The following MMP16 variants were observed in gnomAD, a reference collection of about 807,000 sequenced individuals.
MMP16 encodes matrix metallopeptidase 16, also known as matrix metalloproteinase-16.
Under a neutral mutation model 67.8 loss-of-function variants are expected in MMP16, and 12 were observed. The ratio of observed to expected loss-of-function variants is 0.18; its 90% CI spans 0.11 to 0.29. The LOEUF is 0.29. Among genes scored for constraint, MMP16 ranks in the 10% least tolerant of loss-of-function variants. The pLI is 1.00. For missense variants in MMP16, 475 were observed against 765.7 expected, an observed-to-expected ratio of 0.62 and a Z score of 4.48; for synonymous variants, 249 against 255.9, an observed-to-expected ratio of 0.97 and a Z score of 0.26.
intron 1 of MMP16, among the ~76,000 whole-genome samples, chr8:88,214,046 A>G (rs963893109): frequency 5.9e-5 from 9 of 152,198 alleles, no homozygotes; most frequent in African/African-American, 2.2e-4. Flanking sequence ...AAAGCTGGTA[A>G]TAACAACAAT....
intron 1 of MMP16, among the ~76,000 whole-genome samples, chr8:88,200,573 A>C (rs567289442): frequency 6.6e-6 from 1 of 152,208 alleles, no homozygotes; most frequent in Non-Finnish European, 1.5e-5. Flanking sequence ...TTCTCTGCAG[A>C]GTAAGATGAT....
At chr8:88,047,559 A>C (rs1247724495) in intron 8 of MMP16, among the ~76,000 whole-genome samples, 4 of 152,176 alleles carry the variant, frequency 2.6e-5, no homozygotes, top group African/African-American at 9.7e-5. Context: ...CTTTGGGAGA[A>C]GAACATTCCA....
At chr8:88,084,625 C>T (rs1360039537) in intron 6 of MMP16, among the ~76,000 whole-genome samples, 1 of 151,956 alleles carries the variant, frequency 6.6e-6, no homozygotes, top group Non-Finnish European at 1.5e-5. Context: ...CACATGTGTA[C>T]TGCATTTGCA....
At chr8:88,302,509 C>T (rs1811119328) in intron 1 of MMP16, among the ~76,000 whole-genome samples, 1 of 152,260 alleles carries the variant, frequency 6.6e-6, no homozygotes, top group South Asian at 2.1e-4. Flanking sequence ...GCACTCAGGA[C>T]AAGTGTGTCC....
chr8:88,215,458 A>C (rs1008540762), intron 1 of MMP16, among the ~76,000 whole-genome samples: 3 of 152,158 alleles, frequency 2.0e-5, no homozygotes, highest in Non-Finnish European at 4.4e-5. Flanking sequence ...TGTACTACCC[A>C]GGATCCCTTG....
chr8:88,144,524 G>T (rs1422649808), intron 4 of MMP16, among the ~76,000 whole-genome samples: 1 of 151,558 alleles, frequency 6.6e-6, no homozygotes, highest in Non-Finnish European at 1.5e-5. Flanking sequence ...AAATTAAAAT[G>T]AAAAAATTAG....
intron 4 of MMP16, among the ~76,000 whole-genome samples, chr8:88,164,643 C>T (rs1808682534): frequency 6.6e-6 from 1 of 152,052 alleles, no homozygotes; most frequent in Non-Finnish European, 1.5e-5. Flanking sequence ...TCCTTTCCTT[C>T]AGGCTCATTC....
At chr8:88,128,648 C>A (rs1807975443) in intron 4 of MMP16, among the ~76,000 whole-genome samples, 1 of 151,902 alleles carries the variant, frequency 6.6e-6, no homozygotes, top group Admixed American at 6.6e-5. Flanking sequence ...ATAGAGTCCT[C>A]ATCTTCCTGT....
intron 2 of MMP16, among the ~76,000 whole-genome samples, chr8:88,188,437 T>A (rs562753010): frequency 7.2e-5 from 11 of 152,312 alleles, no homozygotes; most frequent in Admixed American, 1.3e-4. Context: ...AACATTTAAG[T>A]AAGCAATCTG....
intron 6 of MMP16, among the ~76,000 whole-genome samples, chr8:88,097,803 T>C (rs1259994204): frequency 1.3e-5 from 2 of 151,822 alleles, no homozygotes; most frequent in African/African-American, 4.8e-5. Flanking sequence ...GAGGCCTTAA[T>C]AGTTATACTT....
chr8:88,052,101 T>C (rs1808278291), intron 8 of MMP16, among the ~76,000 whole-genome samples: 1 of 152,212 alleles, frequency 6.6e-6, no homozygotes, highest in Admixed American at 6.5e-5. Context: ...ACCATTTATA[T>C]GTCAATAACT....
intron 3 of MMP16, among the ~76,000 whole-genome samples, chr8:88,174,399 T>C (rs1808851548): frequency 6.6e-6 from 1 of 152,168 alleles, no homozygotes; most frequent in Admixed American, 6.5e-5. Context: ...GTTATATTAC[T>C]CAATAAGCTT....
rs2118167518 is a variant in MMP16 at position 88,035,764 on chromosome 8, A to G, written c.*5697T>C. The G allele has an allele frequency of 6.6e-6, 1 of 152,088 alleles. No homozygotes were observed. The highest frequency in any genetic ancestry group is 2.4e-5 in the African/African-American group (1 of 41,536). 9.4% of individuals were successfully genotyped at this position (152,088 alleles called of 1,614,324 possible). A position where few individuals can be genotyped will look rare whatever the true frequency, so the allele number is the denominator to read the frequency against. On this transcript the variant is annotated 3_prime_UTR_variant, in exon 10 of 10. Coordinates refer to ENST00000286614, the MANE Select transcript of MMP16 (RefSeq NM_005941.5). This position sits in a 1 kb window ranked among gnomAD's most constrained non-coding sequence, Gnocchi z 4.7. ...CTCAAACATTGACAGGAATTTTACA[A>G]TATGTGTTTTTCCCTTAATTTCTGT...
intron 1 of MMP16, among the ~76,000 whole-genome samples, chr8:88,285,749 T>C (rs1355476872): frequency 6.6e-6 from 1 of 152,194 alleles, no homozygotes; most frequent in Non-Finnish European, 1.5e-5. Flanking sequence ...ATATACATCA[T>C]TTACCATTTT....
At chr8:88,240,375 G>A (rs2129899272) in intron 1 of MMP16, among the ~76,000 whole-genome samples, 1 of 152,248 alleles carries the variant, frequency 6.6e-6, no homozygotes, top group Non-Finnish European at 1.5e-5. Context: ...ATGAGTGGTG[G>A]CCTTGAGGCA....
At chr8:88,303,508 G>A (rs1171609449) in intron 1 of MMP16, among the ~76,000 whole-genome samples, 1 of 152,186 alleles carries the variant, frequency 6.6e-6, no homozygotes, top group Non-Finnish European at 1.5e-5. Flanking sequence ...CCTCCTGACT[G>A]GGCGTGCCCT....
At chr8:88,131,496 C>T (rs543187532) in intron 4 of MMP16, among the ~76,000 whole-genome samples, 4 of 151,782 alleles carry the variant, frequency 2.6e-5, no homozygotes, top group African/African-American at 9.6e-5. Context: ...CAACCAGAAA[C>T]ACACACTATT....
chr8:88,159,518 C>A (rs1269060567), intron 4 of MMP16, among the ~76,000 whole-genome samples: 1 of 152,026 alleles, frequency 6.6e-6, no homozygotes, highest in Non-Finnish European at 1.5e-5. Flanking sequence ...ATTTTGTATC[C>A]TGAGGCTTTG....
intron 2 of MMP16, among the ~76,000 whole-genome samples, chr8:88,187,313 T>A (rs1414874333): frequency 5.3e-5 from 8 of 152,152 alleles, no homozygotes. Flanking sequence ...TTAACACATA[T>A]ACAGATAAAA....
Sources: allele counts gnomAD v4.1 joint callset (sites outside exome capture counted in the v4.1 genomes callset), GRCh38; gene constraint gnomAD v4.1.1; non-coding constraint Gnocchi (gnomAD v3.1); transcripts MANE v1.5; gene names NCBI Gene and HGNC (gene_info 2026-07-23, HGNC 2026-07-21).